The following CA10 variants were observed in gnomAD, a reference collection of about 807,000 sequenced individuals.
The protein encoded by CA10 is carbonic anhydrase-related protein 10.
CA10 carries 14 observed loss-of-function variants against 44.2 expected under a neutral mutation model. The observed-to-expected ratio is 0.32, with a 90% CI of 0.21 to 0.50. The LOEUF (loss-of-function observed/expected upper bound fraction) is 0.50, where lower values mean the gene tolerates loss of function less well. Ranked by LOEUF, CA10 falls within the 20% of genes least tolerant of loss-of-function variation. CA10 has a pLI of 0.99. For missense variants in CA10, 350 were observed against 409.7 expected, an observed-to-expected ratio of 0.85 and a Z score of 1.26; for synonymous variants, 159 against 141.6, an observed-to-expected ratio of 1.12 and a Z score of -0.87.
intron 2 of CA10, among the ~76,000 whole-genome samples, chr17:52,051,209 C>G (rs114427435): frequency 2.0e-5 from 3 of 151,908 alleles, no homozygotes; most frequent in African/African-American, 7.2e-5. Context: ...TGGAAGACAA[C>G]CTAGGCAATA....
At chr17:51,809,457 A>G (rs1907271642) in intron 3 of CA10, among the ~76,000 whole-genome samples, 1 of 152,208 alleles carries the variant, frequency 6.6e-6, no homozygotes, top group Admixed American at 6.5e-5. Context: ...CAGATTCAGA[A>G]AGGTTAAATG....
chr17:51,632,681 G>A (rs1912636508), intron 8 of CA10, among the ~76,000 whole-genome samples: 1 of 152,192 alleles, frequency 6.6e-6, no homozygotes, highest in African/African-American at 2.4e-5. Flanking sequence ...TGCACAGCTT[G>A]TTAGAACTAG....
intron 1 of CA10, among the ~76,000 whole-genome samples, chr17:52,085,829 C>A (rs575514871): frequency 1.3e-5 from 2 of 152,110 alleles, no homozygotes; most frequent in South Asian, 4.1e-4. Flanking sequence ...GTGATGTTTG[C>A]CATGTGTTCA....
At chr17:51,791,060 T>C (rs1906500693) in intron 3 of CA10, among the ~76,000 whole-genome samples, 1 of 152,212 alleles carries the variant, frequency 6.6e-6, no homozygotes. Context: ...AGTTTCTGCA[T>C]TTGTAAAATG....
At chr17:51,847,127 C>T (rs1978530257) in intron 3 of CA10, among the ~76,000 whole-genome samples, 1 of 152,136 alleles carries the variant, frequency 6.6e-6, no homozygotes, top group African/African-American at 2.4e-5. Context: ...AGGCTGGTAA[C>T]TAAAAGAGAT....
chr17:52,106,001 T>C (rs1230655650), intron 1 of CA10, among the ~76,000 whole-genome samples: 3 of 152,208 alleles, frequency 2.0e-5, no homozygotes, highest in Non-Finnish European at 4.4e-5. Context: ...TCAATAAAAG[T>C]TGATAATTCT....
intron 2 of CA10, among the ~76,000 whole-genome samples, chr17:52,008,827 G>A (rs1424231785): frequency 6.6e-6 from 1 of 151,822 alleles, no homozygotes; most frequent in Admixed American, 6.6e-5. Flanking sequence ...TTTCCAAACA[G>A]AAGAGCTGAT....
chr17:51,973,441 TAGTG>T (rs1192688898), intron 2 of CA10, among the ~76,000 whole-genome samples: 1 of 152,180 alleles, frequency 6.6e-6, no homozygotes, highest in Non-Finnish European at 1.5e-5. Flanking sequence ...TCCTAGACTG[TAGTG>T]AGTATTACAG....
intron 4 of CA10, among the ~76,000 whole-genome samples, chr17:51,694,564 G>T (rs1673224322): frequency 6.6e-6 from 1 of 150,786 alleles, no homozygotes; most frequent in Non-Finnish European, 1.5e-5. Flanking sequence ...AGCTTTGTTG[G>T]ATGCATAGTT....
At chr17:52,040,597 T>A (rs1986741964) in intron 2 of CA10, among the ~76,000 whole-genome samples, 1 of 152,004 alleles carries the variant, frequency 6.6e-6, no homozygotes, top group African/African-American at 2.4e-5. Context: ...CAATGATCCC[T>A]GAAAGAAGAG....
At chr17:51,830,623 G>T (rs543447648) in intron 3 of CA10, among the ~76,000 whole-genome samples, 7 of 152,196 alleles carry the variant, frequency 4.6e-5, no homozygotes, top group Non-Finnish European at 8.8e-5. Flanking sequence ...CAGGGCCCAA[G>T]TGTTCCAGGG....
intron 4 of CA10, among the ~76,000 whole-genome samples, chr17:51,728,388 T>A (rs983621988): frequency 3.9e-5 from 6 of 152,218 alleles, no homozygotes; most frequent in African/African-American, 1.4e-4. Flanking sequence ...CTGTCCTTTT[T>A]CTGTTGCAGG....
At chr17:51,896,024 T>TA (rs1567876507) in intron 3 of CA10, among the ~76,000 whole-genome samples, 1 of 152,094 alleles carries the variant, frequency 6.6e-6, no homozygotes, top group Non-Finnish European at 1.5e-5. Flanking sequence ...GTTATTTTTT[T>TA]AAAAAAATCA....
chr17:52,003,192 C>G (rs1309786424), intron 2 of CA10, among the ~76,000 whole-genome samples: 2 of 151,876 alleles, frequency 1.3e-5, no homozygotes, highest in Non-Finnish European at 2.9e-5. Context: ...CTCCCCTTGC[C>G]ACAGATAACC....
At chr17:51,726,150 C>T (rs925708864) in intron 4 of CA10, among the ~76,000 whole-genome samples, 9 of 152,120 alleles carry the variant, frequency 5.9e-5, no homozygotes, top group East Asian at 3.9e-4. Flanking sequence ...CCTGGATAAA[C>T]GTGGTTTTCA....
chr17:51,707,669 A>ATGTGTGTGTGTGTGTGTGTG (rs1491192056), intron 4 of CA10, among the ~76,000 whole-genome samples: 30 of 39,814 alleles, frequency 7.5e-4, no homozygotes, highest in East Asian at 7.2e-3. Context: ...AAGTGGATGA[A>ATGTGTGTGTGTGTGTGTGTG]TATGTGTGTG....
At chr17:51,849,611 A>C (rs1002368661) in intron 3 of CA10, among the ~76,000 whole-genome samples, 2 of 152,174 alleles carry the variant, frequency 1.3e-5, no homozygotes, top group Non-Finnish European at 2.9e-5. Context: ...CAATACTACC[A>C]AATGTGCAGG....
At chr17:51,694,342 G>A (rs1188594671) in intron 4 of CA10, among the ~76,000 whole-genome samples, 2 of 152,006 alleles carry the variant, frequency 1.3e-5, no homozygotes, top group African/African-American at 2.4e-5. Flanking sequence ...TTTAATAATA[G>A]CCATTCTGAC....
At chr17:52,039,545 A>G (rs1287271952) in intron 2 of CA10, among the ~76,000 whole-genome samples, 1 of 152,126 alleles carries the variant, frequency 6.6e-6, no homozygotes, top group African/African-American at 2.4e-5. Flanking sequence ...ATTTGGGTAG[A>G]AAATAAATGG....
Sources: gnomAD v4.1 joint callset for allele counts (sites outside exome capture counted in the v4.1 genomes callset) on GRCh38, gnomAD v4.1.1 for gene constraint, MANE v1.5 for transcripts, NCBI Gene and HGNC (gene_info 2026-07-23, HGNC 2026-07-21) for gene names.